LYRM4: variants seen among roughly 807,000 people sequenced by gnomAD.
LYRM4 encodes LYR motif containing 4, also known as LYR motif-containing protein 4.
LYRM4 carries 9 observed loss-of-function variants against 11.7 expected under a neutral mutation model. The observed-to-expected ratio is 0.77, with a 90% confidence interval of 0.46 to 1.34. The LOEUF is 1.34. Among genes scored for constraint, LYRM4 ranks in the 40% most tolerant of loss-of-function variants. The pLI is 0.00. For missense variants in LYRM4, 133 were observed against 112.5 expected (o/e 1.18, Z -0.82); for synonymous variants, 42 against 40.4 (o/e 1.04, Z -0.15).
At chr6:5,060,938 TTCTCGACCA>T in the LYRM4 span, among the ~76,000 whole-genome samples, 1 of 152,212 alleles carries the variant, frequency 6.6e-6, no homozygotes, top group Non-Finnish European at 1.5e-5. Context: ...AATTCATATT[TTCTCGACCA>T]ATTTTGAATG....
chr6:5,216,813 T>C, intron 1 of LYRM4, 75 bp from the exon 2 acceptor site: 1 of 1,526,614 alleles, frequency 6.6e-7, no homozygotes, highest in Admixed American at 2.1e-5. Context: ...AATTTTAAAG[T>C]TTTTCCTTTA....
At chr6:5,228,792 A>G (rs1045773421) in intron 1 of LYRM4, among the ~76,000 whole-genome samples, 2 of 151,572 alleles carry the variant, frequency 1.3e-5, no homozygotes, top group African/African-American at 2.4e-5. Context: ...TGAGGTCAGG[A>G]GATCGAGACC....
At chr6:5,255,228 A>T (rs1764611093) in intron 1 of LYRM4, among the ~76,000 whole-genome samples, 1 of 152,168 alleles carries the variant, frequency 6.6e-6, no homozygotes, top group Non-Finnish European at 1.5e-5. Flanking sequence ...CAGGAAAACT[A>T]TTTTCATAGT....
chr6:5,079,946 T>C, the LYRM4 span, among the ~76,000 whole-genome samples: 2 of 152,262 alleles, frequency 1.3e-5, no homozygotes, highest in African/African-American at 4.8e-5. Context: ...GTGGCTAAAC[T>C]ATTCATTTCT....
At chr6:5,205,826 C>G (rs897473022) in intron 2 of LYRM4, among the ~76,000 whole-genome samples, 1 of 152,180 alleles carries the variant, frequency 6.6e-6, no homozygotes, top group African/African-American at 2.4e-5. Context: ...AATGAGATAT[C>G]TATAACCTAT....
intron 1 of LYRM4, chr6:5,236,491 A>G (rs1763553582): frequency 6.6e-6 from 1 of 151,980 alleles, no homozygotes; most frequent in Admixed American, 6.6e-5. Flanking sequence ...AAAAAGTGTT[A>G]GATAAAATTT....
intron 1 of LYRM4, among the ~76,000 whole-genome samples, 172 bp downstream of exon 1, chr6:5,260,476 G>A (rs981726774): frequency 3.3e-5 from 5 of 152,242 alleles, no homozygotes; most frequent in African/African-American, 7.2e-5. Flanking sequence ...GGTCTCAGAG[G>A]CCACACCTGT....
intron 2 of LYRM4, among the ~76,000 whole-genome samples, chr6:5,123,633 C>T (rs1004081682): frequency 6.6e-6 from 1 of 152,242 alleles, no homozygotes; most frequent in Non-Finnish European, 1.5e-5. Context: ...CCTCCCTTTT[C>T]CCTCTCCTGG....
rs370316783 is a variant in LYRM4, at chr6:5,154,669, AT to A, written c.208-45179del. 1.3e-3 allele frequency among the ~76,000 whole-genome samples: 195 copies of A among 152,138 alleles called. 1 individual carries two copies. Among genetic ancestry groups the A allele is most frequent in the African/African-American group, 4.5e-3 (188 of 41,506 alleles). On this transcript the variant is annotated intron_variant, in intron 2 of 2. Transcript: ENST00000330636. ...GTCTGTACTAAAAACACACAAAAGA[AT>A]TAGCCGGGCGTGGTGTCACGCGCCT...
At chr6:5,116,405 C>A (rs1316892023) in intron 2 of LYRM4, among the ~76,000 whole-genome samples, 1 of 152,132 alleles carries the variant, frequency 6.6e-6, no homozygotes, top group Admixed American at 6.5e-5. Context: ...AAAGTTATCT[C>A]AGTGAGGGGT....
chr6:5,158,345 A>G (rs1415997606), intron 2 of LYRM4, among the ~76,000 whole-genome samples: 1 of 152,204 alleles, frequency 6.6e-6, no homozygotes, highest in Non-Finnish European at 1.5e-5. Context: ...TTTACACTGA[A>G]TGCACTGTCA....
downstream of LYRM4, chr6:5,102,732 G>A (rs759064057): frequency 1.3e-5 from 2 of 152,180 alleles, no homozygotes; most frequent in Non-Finnish European, 2.9e-5. Flanking sequence ...TGAACAACAC[G>A]GGCCACGCTG....
At chr6:5,068,445 GT>G in the LYRM4 span, among the ~76,000 whole-genome samples, 29 of 147,188 alleles carry the variant, frequency 2.0e-4, no homozygotes, top group Non-Finnish European at 3.4e-4. The surrounding 1 kb of genome is among the most constrained non-coding windows in gnomAD (Gnocchi z 4.0). Context: ...TTGATCATGG[GT>G]GAGCGCAAAC....
At chr6:5,058,820 T>C in the LYRM4 span, among the ~76,000 whole-genome samples, 1 of 152,248 alleles carries the variant, frequency 6.6e-6, no homozygotes, top group East Asian at 1.9e-4. Flanking sequence ...ATTTTCTCTT[T>C]CTAGTTTAAT....
intron 2 of LYRM4, among the ~76,000 whole-genome samples, chr6:5,189,287 C>T (rs9392660): frequency 1.3e-4 from 20 of 148,966 alleles, no homozygotes; most frequent in African/African-American, 5.2e-4. Flanking sequence ...AAGGTTAGTG[C>T]TTAGCCTAAG....
At chr6:5,249,108 T>C (rs1305692648) in intron 1 of LYRM4, among the ~76,000 whole-genome samples, 2 of 152,254 alleles carry the variant, frequency 1.3e-5, no homozygotes, top group African/African-American at 4.8e-5. Flanking sequence ...ATGTAGTAAT[T>C]AATTCATCTG....
rs1692671320 is a variant in LYRM4 at position 5,108,752 on chromosome 6, C to A, written c.*671G>T. ...CACCAGGTGTGGGGAGGGGCTTGAG[C>A]CTGCATTTCCAGCAAATTCCCAGGT... On this transcript the variant is annotated 3_prime_UTR_variant, in exon 3 of 3. Transcript: ENST00000330636. 2 of 980,372 alleles carry A rather than the reference C, an allele frequency of 2.0e-6. No homozygotes were observed. Among genetic ancestry groups the A allele is most frequent in the Non-Finnish European group, 2.4e-6 (2 of 824,986 alleles). The allele number at this position is 980,372 out of a possible 1,614,324, so 60.7% of individuals were successfully genotyped here. A position where few individuals can be genotyped will look rare whatever the true frequency, so the allele number is the denominator to read the frequency against.
At chr6:5,128,364 T>C (rs1449133921) in intron 2 of LYRM4, among the ~76,000 whole-genome samples, 2 of 152,076 alleles carry the variant, frequency 1.3e-5, no homozygotes, top group Non-Finnish European at 2.9e-5. Context: ...AGTTGCAAAA[T>C]AAGAATGCCC....
chr6:5,038,250 C>A, the LYRM4 span, among the ~76,000 whole-genome samples: 4 of 60,332 alleles, frequency 6.6e-5, 2 homozygotes, highest in Non-Finnish European at 1.6e-4. Flanking sequence ...GATGGGATGG[C>A]GGCTGGGAAG....
Sources: allele counts gnomAD v4.1 joint callset (sites outside exome capture counted in the v4.1 genomes callset), GRCh38; gene constraint gnomAD v4.1.1; non-coding constraint Gnocchi (gnomAD v3.1); transcripts MANE v1.5; gene names NCBI Gene and HGNC (gene_info 2026-07-23, HGNC 2026-07-21).